The following TXNDC8 variants were observed in gnomAD, a reference collection of about 807,000 sequenced individuals.
The protein encoded by TXNDC8 is thioredoxin domain-containing protein 8.
A neutral mutation model predicts 12.9 loss-of-function variants in TXNDC8; 15 were observed. That is an observed-to-expected ratio of 1.16 (90% confidence interval 0.78 to 1.79). The LOEUF (loss-of-function observed/expected upper bound fraction) is 1.79, where lower values mean the gene tolerates loss of function less well. TXNDC8 is among the 40% of genes most tolerant of loss of function. The pLI is 0.00. For synonymous variants in TXNDC8, 40 were observed against 35.4 expected, an observed-to-expected ratio of 1.13 and a Z score of -0.46; for missense variants, 128 against 113.2, an observed-to-expected ratio of 1.13 and a Z score of -0.59.
intron 3 of TXNDC8, among the ~76,000 whole-genome samples, chr9:110,314,085 T>C (rs1046318413): frequency 6.6e-6 from 1 of 152,164 alleles, no homozygotes; most frequent in Admixed American, 6.5e-5. Context: ...CTGCCTCCCA[T>C]TCTATTCAAA....
At chr9:110,304,441 C>G in intron 4 of TXNDC8, 26 bp downstream of exon 5, 2 of 1,595,018 alleles carry the variant, frequency 1.3e-6, no homozygotes, top group Non-Finnish European at 1.7e-6. Flanking sequence ...AGATTTCTAA[C>G]TCTAACTTGA....
chr9:110,307,654 C>A (rs1232096089), intron 3 of TXNDC8, among the ~76,000 whole-genome samples: 2 of 152,170 alleles, frequency 1.3e-5, no homozygotes, highest in Non-Finnish European at 2.9e-5. Context: ...GCCTCCCATT[C>A]TTTTCAAAGT....
At chr9:110,324,063 A>G in intron 3 of TXNDC8, 4 of 1,528,702 alleles carry the variant, frequency 2.6e-6, no homozygotes, top group African/African-American at 1.4e-5. Flanking sequence ...AAATCAGAGT[A>G]CTATTAATAG....
chr9:110,334,245 G>A lies in TXNDC8; in HGVS notation c.100C>T (p.Pro34Ser). ...AAAACAGGAAACATCCTTTTGCAGG[G>A]ACCACACCGTTTCGAAGAAAATTGA... The change falls in exon 2 of 5, where the codon CCC (proline) becomes TCC (serine). Residue 34 changes from proline (P) to serine (S), a missense_variant. Transcript: ENST00000423740. 1 of 1,613,668 alleles carries A rather than the reference G, an allele frequency of 6.2e-7. No homozygotes were observed. Among genetic ancestry groups the A allele is most frequent in the Non-Finnish European group, 8.5e-7 (1 of 1,179,660 alleles).
In TXNDC8 at chr9:110,304,545, G is replaced by A. The variant is rs774226176; in HGVS notation, c.196-13C>T. The A allele has an allele frequency of 2.5e-6, 4 of 1,597,762 alleles. No homozygotes were observed. The highest frequency in any genetic ancestry group is 2.6e-6 in the Non-Finnish European group (3 of 1,169,532). On this transcript the variant is annotated splice_polypyrimidine_tract_variant and intron_variant, in intron 3 of 4. Coordinates refer to ENST00000423740, the MANE Select transcript of TXNDC8 (RefSeq NM_001286946.2). ...AGAATAGGGTTACCTAAGTGTGGGT[G>A]CAGAATTTCATAATTTATCTGAGTT... is the stretch of plus-strand genomic sequence containing the variant.
At chr9:110,328,860 T>A (rs1325701621) in intron 2 of TXNDC8, among the ~76,000 whole-genome samples, 1 of 152,046 alleles carries the variant, frequency 6.6e-6, no homozygotes, top group African/African-American at 2.4e-5. Context: ...ATGAAAACCA[T>A]CTTTCACCTT....
intron 3 of TXNDC8, among the ~76,000 whole-genome samples, chr9:110,309,746 A>C (rs1331927923): frequency 1.3e-5 from 2 of 152,358 alleles, no homozygotes; most frequent in Non-Finnish European, 2.9e-5. Context: ...AAACTGAGGC[A>C]TGTAAGAGGG....
chr9:110,319,459 T>A (rs1444783212), intron 3 of TXNDC8, among the ~76,000 whole-genome samples: 1 of 152,254 alleles, frequency 6.6e-6, no homozygotes, highest in Admixed American at 6.5e-5. Flanking sequence ...TTAGATACAA[T>A]ATCACAAATT....
Position 110,326,165 on chromosome 9 carries a change from G to A in TXNDC8, c.195+10C>T. The stretch of plus-strand genomic sequence containing the variant: ...CTAATTCAACCCTGCTGGTTACCCT[G>A]GAAACATACCTTCTGGCTTTTCTTG... On this transcript the variant is annotated intron_variant, in intron 3 of 4. Coordinates refer to ENST00000423740, the MANE Select transcript of TXNDC8 (RefSeq NM_001286946.2). 6.2e-7 allele frequency: 1 copy of A among 1,613,962 alleles called. No homozygotes were observed. Among genetic ancestry groups the A allele is most frequent in the South Asian group, 1.1e-5 (1 of 91,058 alleles).
chr9:110,333,405 G>GGCACCCC (rs1280761853), intron 2 of TXNDC8, among the ~76,000 whole-genome samples: 2 of 152,012 alleles, frequency 1.3e-5, no homozygotes, highest in Admixed American at 6.6e-5. Context: ...AAACCATCCC[G>GGCACCCC]GCACCCCCTA....
intron 3 of TXNDC8, among the ~76,000 whole-genome samples, chr9:110,306,156 C>T (rs1838463622): frequency 6.6e-6 from 1 of 152,160 alleles, no homozygotes; most frequent in Admixed American, 6.5e-5. Flanking sequence ...TGTGAGCCAC[C>T]ATGCCTGGCC....
chr9:110,329,276 A>G lies in TXNDC8; in HGVS notation c.130-3036T>C, dbSNP rs1450864482. The G allele has an allele frequency of 1.9e-6, 3 of 1,610,016 alleles. No homozygotes were observed. The highest frequency in any genetic ancestry group is 4.5e-5 in the East Asian group (2 of 44,818). ...ACATTAGCAAAAAATACATTTTGGTATTTCACAGACATAGCCTTCAAAATA... is the reference window on the plus strand; with the variant it reads ...ACATTAGCAAAAAATACATTTTGGTGTTTCACAGACATAGCCTTCAAAATA... On this transcript the variant is annotated intron_variant, in intron 2 of 4. Transcript: ENST00000423740.
intron 3 of TXNDC8, among the ~76,000 whole-genome samples, chr9:110,316,064 AT>A (rs934166822): frequency 9.4e-4 from 134 of 142,960 alleles, no homozygotes; most frequent in East Asian, 1.2e-3. Flanking sequence ...CACTCGGCTA[AT>A]TTTTTTTTTT....
At chr9:110,311,521 GTATATATATATATATA>G (rs66474968) in intron 3 of TXNDC8, among the ~76,000 whole-genome samples, 2,835 of 41,262 alleles carry the variant, frequency 0.069, 211 homozygotes, top group African/African-American at 0.14. Flanking sequence ...AAATAAAGAG[GTATATATATATATATA>G]TATATATATA....
chr9:110,329,085 T>C (rs1839450519), intron 2 of TXNDC8, 147 bp downstream of exon 3: 1 of 680,814 alleles, frequency 1.5e-6, no homozygotes, highest in South Asian at 1.8e-5. Flanking sequence ...AAGAGCATAA[T>C]GAGGAAGTTT....
At chr9:110,302,268 T>G (rs1021003480), downstream of TXNDC8, among the ~76,000 whole-genome samples, 1 of 152,144 alleles carries the variant, frequency 6.6e-6, no homozygotes, top group Non-Finnish European at 1.5e-5. Flanking sequence ...CTCAAGCAGC[T>G]GGGACTACAG....
At chr9:110,303,262 T>C (rs939653238), downstream of TXNDC8, among the ~76,000 whole-genome samples, 3 of 152,142 alleles carry the variant, frequency 2.0e-5, no homozygotes, top group East Asian at 5.8e-4. Flanking sequence ...ACCTCTCTTG[T>C]GAAGGTCATA....
intron 3 of TXNDC8, among the ~76,000 whole-genome samples, chr9:110,306,903 A>G (rs1838489909): frequency 6.6e-6 from 1 of 151,984 alleles, no homozygotes; most frequent in African/African-American, 2.4e-5. Flanking sequence ...CCACTACACC[A>G]AGGATGAAGA....
intron 4 of TXNDC8, 38 bp downstream of exon 5, chr9:110,304,426 ACCC>A: frequency 6.4e-7 from 1 of 1,553,352 alleles, no homozygotes; most frequent in Non-Finnish European, 8.8e-7. Flanking sequence ...TTCAAAGTAA[ACCC>A]CAGATTTCTA....
Sources: gnomAD v4.1 joint callset for allele counts (sites outside exome capture counted in the v4.1 genomes callset) on GRCh38, gnomAD v4.1.1 for gene constraint, MANE v1.5 for transcripts, NCBI Gene and HGNC (gene_info 2026-07-23, HGNC 2026-07-21) for gene names.